Variants in AGAP4 observed in about 807,000 individuals in gnomAD.
AGAP4 encodes ArfGAP with GTPase domain, ankyrin repeat and PH domain 4.
Under a neutral mutation model 60.7 loss-of-function variants are expected in AGAP4, and 13 were observed. That is an observed-to-expected ratio of 0.21 (90% CI 0.14 to 0.34). AGAP4 has a LOEUF of 0.34. AGAP4 is among the 10% of genes least tolerant of loss of function. AGAP4 has a pLI of 1.00. For synonymous variants in AGAP4, 70 were observed against 339.0 expected (o/e 0.21, Z 8.72); for missense variants, 169 against 884.0 (o/e 0.19, Z 10.26).
At chr10:45,843,166 GC>G in intron 3 of AGAP4, among the ~76,000 whole-genome samples, 1 of 118,278 alleles carries the variant, frequency 8.5e-6, no homozygotes, top group Middle Eastern at 3.8e-3. Context: ...GTGTTATGGT[GC>G]CCACCTATAG....
At position 45,834,046 on chromosome 10, in the gene AGAP4, A is replaced by T; in HGVS notation, c.467T>A (p.Ile156Asn). The T allele has an allele frequency of 1.3e-6, 2 of 1,596,228 alleles. No homozygotes were observed. Among genetic ancestry groups the T allele is most frequent in the Non-Finnish European group, 1.7e-6 (2 of 1,173,294 alleles). ...TATTGTCATTGTAAGATAATGCTGG[A>T]TGGCTGTGCTGTCATCAAGGAATAT... ...STIFLDDSTA[I>N]QHYLTMTIIS... Residue 156 changes from isoleucine (I) to asparagine (N), a missense_variant, in exon 5 of 8, where the codon ATC becomes AAC. Ile to Asn is a moderately radical substitution (Grantham distance 149). Transcript: ENST00000616763.
chr10:45,838,734 C>T (rs1206889403), intron 4 of AGAP4, among the ~76,000 whole-genome samples: 29 of 151,412 alleles, frequency 1.9e-4, no homozygotes, highest in African/African-American at 7.0e-4. Flanking sequence ...CCAGGCCTGG[C>T]TAATTTGTTA....
upstream of AGAP4, among the ~76,000 whole-genome samples, chr10:45,850,954 C>A (rs1188551173): frequency 6.6e-6 from 1 of 152,006 alleles, no homozygotes; most frequent in Non-Finnish European, 1.5e-5. Context: ...CTAAATCAAG[C>A]CATTAAGCGT....
At chr10:45,844,450 C>G (rs1590037788) in intron 2 of AGAP4, 56 bp from the exon 3 acceptor site, 2 of 1,592,028 alleles carry the variant, frequency 1.3e-6, no homozygotes, top group Non-Finnish European at 1.7e-6. Context: ...AAAAATTTAT[C>G]AACTCGTTTA....
At chr10:45,841,813 C>T (rs1392887316) in intron 3 of AGAP4, 126 bp from the exon 4 acceptor site, 39 of 1,120,098 alleles carry the variant, frequency 3.5e-5, no homozygotes, top group Non-Finnish European at 4.7e-5. Flanking sequence ...AAAAAATTTT[C>T]AATAACATAT....
upstream of AGAP4, chr10:45,853,981 C>T: frequency 3.3e-6 from 3 of 914,484 alleles, no homozygotes; most frequent in Non-Finnish European, 2.8e-6. Flanking sequence ...TCACTGTGGA[C>T]TTAATTCTAC....
upstream of AGAP4, chr10:45,853,919 T>C: frequency 8.4e-7 from 1 of 1,183,604 alleles, no homozygotes; most frequent in African/African-American, 1.6e-5. Context: ...CAGTAGTTGT[T>C]ATCACGTAAG....
At chr10:45,854,613 G>C (rs1399793457), upstream of AGAP4, 1 of 115,036 alleles carries the variant, frequency 8.7e-6, no homozygotes. Flanking sequence ...CAGCATGGGC[G>C]ACAGAGTGAG....
chr10:45,849,467 G>T (rs1312196176), upstream of AGAP4, among the ~76,000 whole-genome samples: 13 of 138,000 alleles, frequency 9.4e-5, no homozygotes, highest in South Asian at 2.3e-4. Context: ...AGATGATGAT[G>T]ATGATGATTA....
rs1352923188 is a variant in AGAP4, at chr10:45,829,871, G to A, written c.533+1523C>T. On this transcript the variant is annotated intron_variant, in intron 6 of 7. Transcript: ENST00000616763. Reference sequence around the variant, plus strand: ...CTTAAAGGCGTGTTAAAGAAAGATTGGTGGTTAAACTAAAAGTGATTTTTG... The same window carrying A: ...CTTAAAGGCGTGTTAAAGAAAGATTAGTGGTTAAACTAAAAGTGATTTTTG... 1.3e-5 allele frequency among the ~76,000 whole-genome samples: 2 copies of A among 150,238 alleles called. 1 individual carries two copies. Among genetic ancestry groups the A allele is most frequent in the African/African-American group, 4.9e-5 (2 of 41,158 alleles).
At chr10:45,843,287 A>C (rs1590036181) in intron 3 of AGAP4, among the ~76,000 whole-genome samples, 10 of 7,442 alleles carry the variant, frequency 1.3e-3, no homozygotes, top group Non-Finnish European at 2.5e-3. Flanking sequence ...ACAGAGTGAG[A>C]CTCCATTTCA....
At chr10:45,851,355 T>C (rs1338169100), upstream of AGAP4, among the ~76,000 whole-genome samples, 6 of 151,998 alleles carry the variant, frequency 3.9e-5, no homozygotes, top group African/African-American at 1.5e-4. Flanking sequence ...TCTTTTCATA[T>C]CTATAACAGC....
chr10:45,852,131 C>T (rs554316543), upstream of AGAP4, among the ~76,000 whole-genome samples: 21 of 148,416 alleles, frequency 1.4e-4, no homozygotes, highest in African/African-American at 4.7e-4. Flanking sequence ...GCAGGATGGT[C>T]TCCGTCTCTT....
At chr10:45,846,962 G>A (rs1590040544) in intron 1 of AGAP4, among the ~76,000 whole-genome samples, 163 bp downstream of exon 1, 1 of 151,638 alleles carries the variant, frequency 6.6e-6, no homozygotes, top group African/African-American at 2.4e-5. Flanking sequence ...AATACTAAGG[G>A]GTGGGAATTC....
At chr10:45,841,472 C>T (rs1424536675) in intron 4 of AGAP4, 181 bp downstream of exon 4, 11 of 526,884 alleles carry the variant, frequency 2.1e-5, no homozygotes, top group Non-Finnish European at 2.9e-5. Flanking sequence ...AAGGTGGACA[C>T]GCTAAACTAA....
intron 4 of AGAP4, among the ~76,000 whole-genome samples, chr10:45,834,674 C>CAAAAAAAAA (rs1174820110): frequency 5.3e-4 from 8 of 15,228 alleles, no homozygotes; most frequent in African/African-American, 6.3e-4. Flanking sequence ...GACTCCGCCT[C>CAAAAAAAAA]AAAAAAAAAA....
At chr10:45,851,092 T>TG (rs2059078124), upstream of AGAP4, among the ~76,000 whole-genome samples, 1 of 150,646 alleles carries the variant, frequency 6.6e-6, no homozygotes, top group African/African-American at 2.5e-5. Context: ...AGCTAATACA[T>TG]GAAAAAAAAA....
intron 4 of AGAP4, 129 bp downstream of exon 4, chr10:45,841,524 G>C: frequency 1.5e-6 from 1 of 658,972 alleles, no homozygotes; most frequent in Non-Finnish European, 2.4e-6. Flanking sequence ...AAATAGAAGA[G>C]ATTTAGAAAA....
At chr10:45,852,098 G>C (rs1430123607), upstream of AGAP4, among the ~76,000 whole-genome samples, 1 of 149,910 alleles carries the variant, frequency 6.7e-6, no homozygotes, top group Non-Finnish European at 1.5e-5. Flanking sequence ...ATTTTTAGTA[G>C]AGACGGGGTT....
Sources: allele counts gnomAD v4.1 joint callset (sites outside exome capture counted in the v4.1 genomes callset), GRCh38; gene constraint gnomAD v4.1.1; transcripts MANE v1.5; gene names NCBI Gene and HGNC (gene_info 2026-07-23, HGNC 2026-07-21).